The following MAL variants were observed in gnomAD, a reference collection of about 807,000 sequenced individuals.
The protein encoded by MAL is myelin and lymphocyte protein.
In MAL, 5 loss-of-function variants were observed where a neutral mutation model predicts 16.7. That is an observed-to-expected ratio of 0.30 (90% CI 0.16 to 0.63). The LOEUF (loss-of-function observed/expected upper bound fraction) is 0.63, where lower values mean the gene tolerates loss of function less well. MAL is among the 30% of genes least tolerant of loss of function. MAL has a pLI of 0.82. For synonymous variants in MAL, 96 were observed against 85.5 expected, an observed-to-expected ratio of 1.12 and a Z score of -0.67; for missense variants, 202 against 195.8, an observed-to-expected ratio of 1.03 and a Z score of -0.19.
Position 95,053,615 on chromosome 2 carries a change from G to C in MAL, c.*160G>C. ...AAAAAAGCCCTGCCCTGTTGCTCGT[G>C]GGTGCTGTGTTTACTCTCCCGTGTG... On this transcript the variant is annotated 3_prime_UTR_variant, in exon 4 of 4. Coordinates refer to ENST00000309988, the MANE Select transcript of MAL (RefSeq NM_002371.4). The C allele has an allele frequency of 1.6e-6, 1 of 628,058 alleles. No homozygotes were observed. The highest frequency in any genetic ancestry group is 2.8e-6 in the Non-Finnish European group (1 of 359,994). 38.9% of individuals were successfully genotyped at this position (628,058 alleles called of 1,614,324 possible).
At chr2:95,053,234 G>C in intron 3 of MAL, 147 bp from the exon 4 acceptor site, 1 of 688,098 alleles carries the variant, frequency 1.5e-6, no homozygotes, top group Non-Finnish European at 2.6e-6. Flanking sequence ...TCAGCAGGGA[G>C]GGCGTCCATG....
At chr2:95,037,725 TCA>T in intron 1 of MAL, among the ~76,000 whole-genome samples, 1 of 149,292 alleles carries the variant, frequency 6.7e-6, no homozygotes, top group East Asian at 2.0e-4. Context: ...AGTGACTGAG[TCA>T]GTGAGTGACT....
At chr2:95,037,669 T>G (rs1674272572) in intron 1 of MAL, among the ~76,000 whole-genome samples, 1 of 151,100 alleles carries the variant, frequency 6.6e-6, no homozygotes, top group African/African-American at 2.4e-5. Flanking sequence ...AGTGACTGAC[T>G]GAGTGACTGA....
intron 1 of MAL, among the ~76,000 whole-genome samples, chr2:95,042,755 C>T (rs748889308): frequency 6.6e-6 from 1 of 152,208 alleles, no homozygotes; most frequent in Non-Finnish European, 1.5e-5. Flanking sequence ...CTGGGAGCCA[C>T]CTGGAGTCTC....
intron 1 of MAL, among the ~76,000 whole-genome samples, chr2:95,036,761 CTGAG>C (rs1280369931): frequency 6.9e-5 from 8 of 115,268 alleles, no homozygotes; most frequent in South Asian, 3.0e-4. Flanking sequence ...GAGTGAGTGA[CTGAG>C]TGAGTGAGTG....
chr2:95,031,587 C>G (rs1281534047), intron 1 of MAL, among the ~76,000 whole-genome samples: 1 of 152,198 alleles, frequency 6.6e-6, no homozygotes, highest in African/African-American at 2.4e-5. Flanking sequence ...GCCAGGTGCT[C>G]TGAGGTTCTC....
chr2:95,039,669 G>GGACTGAGTGAGT (rs1349393161), intron 1 of MAL, among the ~76,000 whole-genome samples: 3 of 146,780 alleles, frequency 2.0e-5, no homozygotes, highest in Non-Finnish European at 4.5e-5. Context: ...GAGTGAGTGA[G>GGACTGAGTGAGT]GACTGAGTGA....
In MAL at chr2:95,053,453, T is replaced by A; in HGVS notation, c.460T>A (p.Ter154LysextTer6). Residue 154 changes from the stop codon to lysine, a stop_lost, in exon 4 of 4, where the codon TAA (stop) becomes AAA (lysine). Coordinates refer to ENST00000309988, the MANE Select transcript of MAL (RefSeq NM_002371.4). ...VFSLIRWKSS[*>K] ...CTCTTTAATCAGATGGAAGTCTTCA[T>A]AAAGCCGCAGTAGAACTTGAGCTGA... 6.2e-7 allele frequency: 1 copy of A among 1,611,892 alleles called. No individual in the cohort carries two copies. The highest frequency in any genetic ancestry group is 8.5e-7 in the Non-Finnish European group (1 of 1,178,036).
chr2:95,026,743 G>T (rs1297048714), intron 1 of MAL: 1 of 152,216 alleles, frequency 6.6e-6, no homozygotes, highest in Non-Finnish European at 1.5e-5. Context: ...CCTGGGAGGG[G>T]TGTGCCCTGT....
At position 95,028,458 on chromosome 2, in the gene MAL, G is replaced by T. The variant is rs1465778272; in HGVS notation, c.93+2573G>T. Among the ~76,000 whole-genome samples the T allele has an allele frequency of 7.9e-5, 12 of 152,162 alleles. No homozygotes were observed. The East Asian group carries it at 2.3e-3, about 29-fold the overall frequency. On this transcript the variant is annotated intron_variant, in intron 1 of 3. Coordinates refer to ENST00000309988, the MANE Select transcript of MAL (RefSeq NM_002371.4). Reference sequence around the variant, plus strand: ...TCAAGTATTGGATGTGGAGAAATTGGAACCCTTGGTATGCCACTGGCGGGA... The same window carrying T: ...TCAAGTATTGGATGTGGAGAAATTGTAACCCTTGGTATGCCACTGGCGGGA...
At chr2:95,037,413 T>G (rs1329625989) in intron 1 of MAL, among the ~76,000 whole-genome samples, 4 of 150,432 alleles carry the variant, frequency 2.7e-5, no homozygotes, top group Admixed American at 2.6e-4. Flanking sequence ...ACTGAGTGAG[T>G]GACTGAGTGG....
At chr2:95,038,175 A>AGTGACTGT (rs1674299069) in intron 1 of MAL, among the ~76,000 whole-genome samples, 1 of 149,326 alleles carries the variant, frequency 6.7e-6, no homozygotes, top group South Asian at 2.2e-4. Context: ...TGAGTGACTG[A>AGTGACTGT]GTGACTGTGT....
At chr2:95,049,848 C>G in intron 3 of MAL, 142 bp downstream of exon 3, 2 of 1,246,182 alleles carry the variant, frequency 1.6e-6, no homozygotes, top group South Asian at 1.5e-5. Flanking sequence ...ATGCCTGGAG[C>G]AGGAAAGCCC....
intron 1 of MAL, among the ~76,000 whole-genome samples, chr2:95,042,517 G>A (rs1674492580): frequency 6.6e-6 from 1 of 152,178 alleles, no homozygotes; most frequent in Non-Finnish European, 1.5e-5. Context: ...TCAAGGCCCT[G>A]GGACTCAGAG....
intron 3 of MAL, among the ~76,000 whole-genome samples, chr2:95,051,223 G>A (rs1200488973): frequency 2.0e-5 from 3 of 152,168 alleles, no homozygotes; most frequent in Non-Finnish European, 4.4e-5. Context: ...CCAGAGAGGT[G>A]TGCAGTTACA....
intron 1 of MAL, among the ~76,000 whole-genome samples, 188 bp downstream of exon 1, chr2:95,026,073 C>G (rs1673928271): frequency 6.6e-6 from 1 of 152,156 alleles, no homozygotes; most frequent in African/African-American, 2.4e-5. Context: ...CCCTTCTAGA[C>G]CAACAGAATG....
chr2:95,046,611 C>T (rs1303279805), intron 1 of MAL, among the ~76,000 whole-genome samples: 3 of 152,128 alleles, frequency 2.0e-5, no homozygotes, highest in Non-Finnish European at 2.9e-5. Flanking sequence ...GTCTGCTCCT[C>T]TTTGACTGTA....
chr2:95,030,552 GC>G (rs1674053280), intron 1 of MAL, among the ~76,000 whole-genome samples: 1 of 152,222 alleles, frequency 6.6e-6, no homozygotes, highest in Non-Finnish European at 1.5e-5. Context: ...GCCCCCAGAT[GC>G]GAGGTCTCCC....
chr2:95,035,221 G>A (rs969765874), intron 1 of MAL, among the ~76,000 whole-genome samples: 14 of 152,144 alleles, frequency 9.2e-5, no homozygotes, highest in Non-Finnish European at 1.5e-5. Context: ...AACCTACCTG[G>A]TGACTCCCAT....
Sources: gnomAD v4.1 joint callset for allele counts (sites outside exome capture counted in the v4.1 genomes callset) on GRCh38, gnomAD v4.1.1 for gene constraint, MANE v1.5 for transcripts, NCBI Gene and HGNC (gene_info 2026-07-23, HGNC 2026-07-21) for gene names.